Variants in CDK5RAP2 observed in about 807,000 individuals in gnomAD.
CDK5RAP2 encodes the protein CDK5 regulatory subunit-associated protein 2.
Under a neutral mutation model 232.9 loss-of-function variants are expected in CDK5RAP2, and 147 were observed. The observed-to-expected ratio is 0.63, with a 90% CI of 0.55 to 0.72. The LOEUF is 0.72. Ranked by LOEUF, CDK5RAP2 falls within the 30% of genes least tolerant of loss-of-function variation. CDK5RAP2 has a pLI of 0.00. For synonymous variants in CDK5RAP2, 833 were observed against 833.7 expected (o/e 1.00, Z 0.01); for missense variants, 2,195 against 2,231.5 (o/e 0.98, Z 0.33).
intron 5 of CDK5RAP2, among the ~76,000 whole-genome samples, chr9:120,542,104 C>CCT (rs999722196): frequency 6.6e-6 from 1 of 152,166 alleles, no homozygotes; most frequent in African/African-American, 2.4e-5. Context: ...CAACAAAAAT[C>CCT]CTAAAACTGA....
intron 34 of CDK5RAP2, among the ~76,000 whole-genome samples, chr9:120,401,448 C>CA (rs925740800): frequency 2.6e-5 from 4 of 151,224 alleles, no homozygotes; most frequent in Non-Finnish European, 5.9e-5. Context: ...CCCATCTCTA[C>CA]AAAAAAATAA....
At chr9:120,540,240 C>CA (rs1159409823) in intron 5 of CDK5RAP2, among the ~76,000 whole-genome samples, 1 of 152,194 alleles carries the variant, frequency 6.6e-6, no homozygotes, top group African/African-American at 2.4e-5. Flanking sequence ...CAGTCCTCGT[C>CA]AGATTTCTAA....
chr9:120,531,454 C>T (rs2041150090), intron 7 of CDK5RAP2, among the ~76,000 whole-genome samples: 3 of 152,150 alleles, frequency 2.0e-5, no homozygotes, highest in Non-Finnish European at 4.4e-5. Flanking sequence ...TCAACTGCCC[C>T]TTGGCCATGG....
intron 5 of CDK5RAP2, among the ~76,000 whole-genome samples, chr9:120,540,474 T>C (rs2041585272): frequency 6.6e-6 from 1 of 152,240 alleles, no homozygotes; most frequent in African/African-American, 2.4e-5. Context: ...AGGGCCATAC[T>C]TGTTGTCCAA....
chr9:120,530,219 G>A, intron 7 of CDK5RAP2, 79 bp from the exon 8 acceptor site: 2 of 1,038,944 alleles, frequency 1.9e-6, no homozygotes, highest in Non-Finnish European at 2.9e-6. Flanking sequence ...AGGAAATGGG[G>A]CCAGATATCT....
At chr9:120,578,780 T>C (rs2043135191) in intron 1 of CDK5RAP2, among the ~76,000 whole-genome samples, 1 of 152,112 alleles carries the variant, frequency 6.6e-6, no homozygotes, top group Admixed American at 6.6e-5. Context: ...TTGCCCAGGC[T>C]GATCTCACAC....
Position 120,460,520 on chromosome 9 carries a change from T to A in CDK5RAP2, c.2202+52A>T. ...ACTCATTCCAGACTCGAAGACTGAT[T>A]TGGACATAGAGTGGAGTAGATGAAA... On this transcript the variant is annotated intron_variant, in intron 19 of 37. Coordinates refer to ENST00000349780, the MANE Select transcript of CDK5RAP2 (RefSeq NM_018249.6). The A allele has an allele frequency of 3.9e-6, 6 of 1,545,522 alleles. No homozygotes were observed. The African/African-American group carries it at 5.4e-5, about 14-fold the overall frequency.
chr9:120,494,612 T>C (rs1438922468), intron 12 of CDK5RAP2, among the ~76,000 whole-genome samples: 1 of 132,078 alleles, frequency 7.6e-6, no homozygotes, highest in African/African-American at 4.4e-5. Flanking sequence ...AACAAATAAC[T>C]AATAAACAAA....
chr9:120,497,905 C>T (rs1564301139), intron 12 of CDK5RAP2, among the ~76,000 whole-genome samples: 2 of 152,192 alleles, frequency 1.3e-5, no homozygotes, highest in South Asian at 2.1e-4. Flanking sequence ...GCACCATAAT[C>T]TAAGCCCAGG....
chr9:120,521,644 CTTTTT>C (rs71266575), intron 11 of CDK5RAP2, among the ~76,000 whole-genome samples: 1 of 125,764 alleles, frequency 8.0e-6, no homozygotes, highest in Non-Finnish European at 1.7e-5. Context: ...ACCTCTTTTT[CTTTTT>C]TTTTTTTTTT....
At chr9:120,478,833 G>A (rs1436395594) in intron 14 of CDK5RAP2, among the ~76,000 whole-genome samples, 1 of 152,116 alleles carries the variant, frequency 6.6e-6, no homozygotes, top group Non-Finnish European at 1.5e-5. Flanking sequence ...TGTGCCAGGA[G>A]GGTAGATTTT....
At position 120,549,499 on chromosome 9, in the gene CDK5RAP2, A is replaced by G. The variant is rs28567681; in HGVS notation, c.306+1293T>C. On this transcript the variant is annotated intron_variant, in intron 4 of 37. Coordinates refer to ENST00000349780, the MANE Select transcript of CDK5RAP2 (RefSeq NM_018249.6). ...AATTGAAGTGGTATAGTACAATGAG[A>G]TTGGAAGACCTGGGCTCAAAATCCA... is the stretch of plus-strand genomic sequence containing the variant. 8.8e-3 allele frequency among the ~76,000 whole-genome samples: 1,337 copies of G among 152,320 alleles called. 20 individuals carry two copies. The highest frequency in any genetic ancestry group is 0.03 in the African/African-American group (1,248 of 41,570).
intron 35 of CDK5RAP2, among the ~76,000 whole-genome samples, chr9:120,399,265 T>G (rs2032783494): frequency 1.3e-5 from 2 of 152,216 alleles, no homozygotes; most frequent in Non-Finnish European, 1.5e-5. Context: ...TAACAGTTAC[T>G]ACAATGTGCT....
At chr9:120,492,672 G>T (rs2038966846) in intron 12 of CDK5RAP2, among the ~76,000 whole-genome samples, 1 of 152,052 alleles carries the variant, frequency 6.6e-6, no homozygotes, top group South Asian at 2.1e-4. Flanking sequence ...TCCCTAGTGG[G>T]ATATTTCTCT....
At chr9:120,427,453 A>C (rs1256501012) in intron 25 of CDK5RAP2, among the ~76,000 whole-genome samples, 3 of 152,166 alleles carry the variant, frequency 2.0e-5, no homozygotes. Flanking sequence ...TGGCCCTTCA[A>C]AGGATAAATG....
At chr9:120,497,929 C>T (rs556933348) in intron 12 of CDK5RAP2, among the ~76,000 whole-genome samples, 2 of 152,170 alleles carry the variant, frequency 1.3e-5, no homozygotes, top group Non-Finnish European at 2.9e-5. Flanking sequence ...TAAAACCCCT[C>T]GTGGCTTGGA....
chr9:120,402,376 A>G (rs1311838498), intron 34 of CDK5RAP2, among the ~76,000 whole-genome samples: 1 of 152,244 alleles, frequency 6.6e-6, no homozygotes, highest in Non-Finnish European at 1.5e-5. Context: ...GAACAGAGAT[A>G]GAATTGTTTT....
At chr9:120,502,193 A>G (rs1307018076) in intron 12 of CDK5RAP2, among the ~76,000 whole-genome samples, 1 of 152,242 alleles carries the variant, frequency 6.6e-6, no homozygotes, top group Non-Finnish European at 1.5e-5. Context: ...GCTGTGAAGA[A>G]TAACTATAAA....
At chr9:120,443,481 G>T in intron 23 of CDK5RAP2, 139 bp downstream of exon 23, 1 of 1,033,616 alleles carries the variant, frequency 9.7e-7, no homozygotes, top group Non-Finnish European at 1.5e-6. Context: ...TAAAACCTCA[G>T]CTTCCCATGT....
Sources: allele counts gnomAD v4.1 joint callset (sites outside exome capture counted in the v4.1 genomes callset), GRCh38; gene constraint gnomAD v4.1.1; transcripts MANE v1.5; gene names NCBI Gene and HGNC (gene_info 2026-07-23, HGNC 2026-07-21).